Variants in DLGAP2 observed in about 807,000 individuals in gnomAD.
The protein encoded by DLGAP2 is disks large-associated protein 2.
Under a neutral mutation model 100.3 loss-of-function variants are expected in DLGAP2, and 26 were observed. That is an observed-to-expected ratio of 0.26 (90% CI 0.19 to 0.36). The LOEUF is 0.36. Ranked by LOEUF, DLGAP2 falls within the 10% of genes least tolerant of loss-of-function variation. The probability of loss-of-function intolerance (pLI) is 1.00; values close to 1 mark genes in which losing one functional copy is unlikely to be tolerated. For missense variants in DLGAP2, 1,858 were observed against 1,453.2 expected (o/e 1.28, Z -4.53); for synonymous variants, 886 against 630.1 (o/e 1.41, Z -6.08).
chr8:1,355,035 G>A (rs1801816171), intron 3 of DLGAP2, among the ~76,000 whole-genome samples: 1 of 151,764 alleles, frequency 6.6e-6, no homozygotes, highest in South Asian at 2.1e-4. Flanking sequence ...TGCTGTGGAT[G>A]AGGGTGGAAA....
At chr8:1,328,494 GTTTT>G (rs1315017198) in intron 3 of DLGAP2, among the ~76,000 whole-genome samples, 1 of 151,498 alleles carries the variant, frequency 6.6e-6, no homozygotes, top group South Asian at 2.1e-4. Context: ...GTGTTTTTTT[GTTTT>G]TTTGTTTGTT....
At chr8:1,192,721 T>G (rs1214321841) in intron 2 of DLGAP2, among the ~76,000 whole-genome samples, 2 of 151,752 alleles carry the variant, frequency 1.3e-5, no homozygotes, top group Non-Finnish European at 2.9e-5. Flanking sequence ...GTGCACAATG[T>G]GCAGGTTAGT....
chr8:1,653,199 C>G (rs1470817466), intron 8 of DLGAP2, among the ~76,000 whole-genome samples: 2 of 151,990 alleles, frequency 1.3e-5, no homozygotes, highest in Non-Finnish European at 2.9e-5. Flanking sequence ...GCCGACAATC[C>G]TCACCACGCA....
Position 1,138,843 on chromosome 8 carries a change from G to A in DLGAP2, c.74-120008G>A, listed in dbSNP as rs559281279. Among the ~76,000 whole-genome samples, 314 of 151,800 alleles carry A rather than the reference G, an allele frequency of 2.1e-3. 2 individuals carry two copies. In the South Asian group the frequency reaches 0.026, roughly 13 times the overall value. On this transcript the variant is annotated intron_variant, in intron 2 of 14. Coordinates refer to ENST00000637795, the MANE Select transcript of DLGAP2 (RefSeq NM_001346810.2). ...TTTATTTACTAGTCCTGGCCTGTGCGGCTGGTGGGAAACTCTTCCTGTTTA... is the reference window on the plus strand; with the variant it reads ...TTTATTTACTAGTCCTGGCCTGTGCAGCTGGTGGGAAACTCTTCCTGTTTA...
At chr8:1,350,257 A>ACAGT (rs1563099031) in intron 3 of DLGAP2, among the ~76,000 whole-genome samples, 17 of 98,312 alleles carry the variant, frequency 1.7e-4, no homozygotes, top group East Asian at 8.3e-4. Flanking sequence ...GCGGGTCCTG[A>ACAGT]GCATGTGTGG....
At chr8:1,305,746 G>A (rs1295980437) in intron 3 of DLGAP2, among the ~76,000 whole-genome samples, 1 of 152,190 alleles carries the variant, frequency 6.6e-6, no homozygotes, top group African/African-American at 2.4e-5. Context: ...AGCAGAAGCT[G>A]GGAGAGTTCC....
At chr8:1,379,386 C>G (rs1482814212) in intron 3 of DLGAP2, among the ~76,000 whole-genome samples, 1 of 152,236 alleles carries the variant, frequency 6.6e-6, no homozygotes, top group Non-Finnish European at 1.5e-5. Context: ...ACGCCGACAT[C>G]CCTTATCTAG....
At chr8:1,616,277 A>G (rs1310883772) in intron 6 of DLGAP2, among the ~76,000 whole-genome samples, 1 of 152,226 alleles carries the variant, frequency 6.6e-6, no homozygotes, top group Non-Finnish European at 1.5e-5. Context: ...AAGTGAAGGG[A>G]CACACATATA....
chr8:1,032,194 G>A (rs1021186169), intron 2 of DLGAP2, among the ~76,000 whole-genome samples: 1 of 152,246 alleles, frequency 6.6e-6, no homozygotes, highest in East Asian at 1.9e-4. Context: ...GGAGCTGTTC[G>A]CCTTCCAGAG....
intron 7 of DLGAP2, among the ~76,000 whole-genome samples, chr8:1,629,618 A>G (rs1159834887): frequency 1.3e-5 from 2 of 152,272 alleles, no homozygotes; most frequent in Non-Finnish European, 1.5e-5. Flanking sequence ...AGATGAGGAT[A>G]CAGCAGACTT....
chr8:1,173,786 C>A (rs1349952853), intron 2 of DLGAP2, among the ~76,000 whole-genome samples: 3 of 152,180 alleles, frequency 2.0e-5, no homozygotes, highest in African/African-American at 7.2e-5. Context: ...CCGTCTGTCA[C>A]CCCTTTCTTT....
chr8:1,325,378 A>G (rs1800997522), intron 3 of DLGAP2, among the ~76,000 whole-genome samples: 1 of 151,948 alleles, frequency 6.6e-6, no homozygotes, highest in African/African-American at 2.4e-5. Context: ...GCGTCCTCCC[A>G]CCTCCAGCAG....
In DLGAP2 at chr8:1,022,612, G is replaced by A. The variant is rs187965190; in HGVS notation, c.73+114646G>A. On this transcript the variant is annotated intron_variant, in intron 2 of 14. Transcript: ENST00000637795. ...ATCCTCCCTGGGAGTGGACACTCCCGTGCTTAGGTAGATGCTCCAAACAGC... is the reference window on the plus strand; with the variant it reads ...ATCCTCCCTGGGAGTGGACACTCCCATGCTTAGGTAGATGCTCCAAACAGC... Among the ~76,000 whole-genome samples the A allele has an allele frequency of 3.2e-3, 451 of 139,404 alleles. 1 individual carries two copies. Among genetic ancestry groups the A allele is most frequent in the Middle Eastern group, 0.032 (6 of 188 alleles). The allele number at this position is 139,404 out of a possible 152,430, so 91.5% of individuals were successfully genotyped here.
At chr8:782,848 C>T (rs1242429735) in intron 1 of DLGAP2, among the ~76,000 whole-genome samples, 2 of 152,314 alleles carry the variant, frequency 1.3e-5, no homozygotes, top group Non-Finnish European at 2.9e-5. Context: ...CCCTCTTCCG[C>T]GTCTGCTGTG....
intron 8 of DLGAP2, among the ~76,000 whole-genome samples, chr8:1,639,883 G>C (rs898498479): frequency 2.0e-5 from 3 of 152,172 alleles, no homozygotes; most frequent in Non-Finnish European, 2.9e-5. Flanking sequence ...TAAGGACCCT[G>C]GGGATAACAC....
intron 2 of DLGAP2, among the ~76,000 whole-genome samples, chr8:1,175,032 G>A (rs545808168): frequency 2.0e-5 from 3 of 152,246 alleles, no homozygotes; most frequent in South Asian, 4.1e-4. Flanking sequence ...ACAGGAGAGA[G>A]TTTGGATGGA....
At chr8:1,634,365 G>A (rs1216399924) in intron 8 of DLGAP2, among the ~76,000 whole-genome samples, 2 of 152,206 alleles carry the variant, frequency 1.3e-5, no homozygotes, top group Admixed American at 1.3e-4. Flanking sequence ...GCTCCCAGCA[G>A]GGCTTTCTGT....
chr8:918,472 T>G (rs1798640996), intron 2 of DLGAP2, among the ~76,000 whole-genome samples: 1 of 152,212 alleles, frequency 6.6e-6, no homozygotes, highest in Non-Finnish European at 1.5e-5. Flanking sequence ...TACAGTGTGA[T>G]TCTTAGTGAA....
intron 2 of DLGAP2, among the ~76,000 whole-genome samples, chr8:1,156,402 G>T (rs1454575819): frequency 1.3e-5 from 2 of 152,206 alleles, no homozygotes; most frequent in African/African-American, 4.8e-5. Context: ...GGGTCTGGCC[G>T]TGGGCCGTGG....
Sources: allele counts gnomAD v4.1 joint callset (sites outside exome capture counted in the v4.1 genomes callset), GRCh38; gene constraint gnomAD v4.1.1; transcripts MANE v1.5; gene names NCBI Gene and HGNC (gene_info 2026-07-23, HGNC 2026-07-21).